DIS3L2: variants seen among roughly 807,000 people sequenced by gnomAD.
The protein encoded by DIS3L2 is DIS3-like exonuclease 2.
In DIS3L2, 34 loss-of-function variants were observed where a neutral mutation model predicts 97.5. That is an observed-to-expected ratio of 0.35 (90% CI 0.27 to 0.46). DIS3L2 has a LOEUF of 0.46. Among genes scored for constraint, DIS3L2 ranks in the 20% least tolerant of loss-of-function variants. The pLI is 1.00. For synonymous variants in DIS3L2, 435 were observed against 445.2 expected (o/e 0.98, Z 0.29); for missense variants, 1,038 against 1,146.0 (o/e 0.91, Z 1.36).
intron 10 of DIS3L2, among the ~76,000 whole-genome samples, chr2:232,226,861 C>T (rs1692663759): frequency 6.6e-6 from 1 of 152,102 alleles, no homozygotes; most frequent in South Asian, 2.1e-4. Context: ...CTCAGCTGCT[C>T]AGGAGGCTGA....
At position 232,343,056 on chromosome 2, in the gene DIS3L2, A is replaced by G. The variant is rs940331297; in HGVS notation, c.1582-289A>G. 4 of 341,946 alleles carry G rather than the reference A, an allele frequency of 1.2e-5. No homozygotes were observed. The Admixed American group carries it at 1.3e-4, about 12-fold the overall frequency. 21.2% of individuals were successfully genotyped at this position (341,946 alleles called of 1,614,324 possible). A position where few individuals can be genotyped will look rare whatever the true frequency, so the allele number is the denominator to read the frequency against. On this transcript the variant is annotated intron_variant, in intron 13 of 13. Transcript: ENST00000273009. ...GAGGGGCTGCTGTGTCCACAGCTGC[A>G]TCACACTGCTCTGCTGTCCCCTCCA... is the stretch of plus-strand genomic sequence containing the variant.
At chr2:232,057,101 A>C (rs1409276574) in intron 5 of DIS3L2, among the ~76,000 whole-genome samples, 1 of 152,234 alleles carries the variant, frequency 6.6e-6, no homozygotes. Flanking sequence ...AACTACAGCA[A>C]TGTGCAGCAA....
chr2:232,331,205 G>A (rs1167781232), intron 16 of DIS3L2, among the ~76,000 whole-genome samples: 1 of 152,262 alleles, frequency 6.6e-6, no homozygotes, highest in Non-Finnish European at 1.5e-5. Flanking sequence ...CTTGGCCGGG[G>A]GCCTAGGCCT....
chr2:232,270,864 CTCTCTCT>C (rs1559185112), intron 13 of DIS3L2, among the ~76,000 whole-genome samples: 13 of 20,790 alleles, frequency 6.3e-4, no homozygotes, highest in African/African-American at 2.7e-3. Flanking sequence ...TTTCTCGTCT[CTCTCTCT>C]CTCTCTCTCT....
chr2:232,294,276 C>T (rs960389226), intron 13 of DIS3L2, among the ~76,000 whole-genome samples: 2 of 152,198 alleles, frequency 1.3e-5, no homozygotes, highest in African/African-American at 4.8e-5. Context: ...GTTGGGTCTG[C>T]TTCCCCCCGG....
chr2:232,258,785 TGAG>T (rs1693638423), intron 12 of DIS3L2, among the ~76,000 whole-genome samples: 1 of 152,190 alleles, frequency 6.6e-6, no homozygotes, highest in South Asian at 2.1e-4. Context: ...TGGAAAGTAA[TGAG>T]GTGTTCCATA....
intron 1 of DIS3L2, among the ~76,000 whole-genome samples, chr2:231,999,153 T>C (rs1183685808): frequency 6.6e-6 from 1 of 152,234 alleles, no homozygotes; most frequent in African/African-American, 2.4e-5. Flanking sequence ...CTAATGAGCT[T>C]GGCTGTGTTT....
intron 19 of DIS3L2, 110 bp downstream of exon 19, chr2:232,334,845 A>G: frequency 1.1e-6 from 1 of 903,736 alleles, no homozygotes; most frequent in Non-Finnish European, 1.7e-6. Context: ...CCCCAGCCCT[A>G]GCACAAAGCC....
chr2:232,155,973 G>C (rs1291761813), intron 8 of DIS3L2, among the ~76,000 whole-genome samples: 1 of 150,974 alleles, frequency 6.6e-6, no homozygotes, highest in Non-Finnish European at 1.5e-5. Flanking sequence ...CTGGGCGACA[G>C]AGTGAGACTC....
At chr2:232,144,392 A>C (rs1202094866) in intron 8 of DIS3L2, among the ~76,000 whole-genome samples, 1 of 152,014 alleles carries the variant, frequency 6.6e-6, no homozygotes, top group African/African-American at 2.4e-5. Flanking sequence ...TTTTTTTCCT[A>C]ATTACTGATG....
At chr2:232,210,565 A>T (rs887265942) in intron 10 of DIS3L2, among the ~76,000 whole-genome samples, 160 bp downstream of exon 10, 4 of 152,178 alleles carry the variant, frequency 2.6e-5, no homozygotes, top group African/African-American at 9.7e-5. Flanking sequence ...CAACTATGTG[A>T]CCTTAAGATT....
At position 232,342,998 on chromosome 2, in the gene DIS3L2, G is replaced by A. The variant is rs141671579; in HGVS notation, c.1582-347G>A. On this transcript the variant is annotated intron_variant, in intron 13 of 13. Transcript: ENST00000273009. Reference sequence around the variant, plus strand: ...GGGCTGATAGGAGTCAGAGTGGGGGGGCTGGGAGGGCTGAGGCAGGTTAAA... The same window carrying A: ...GGGCTGATAGGAGTCAGAGTGGGGGAGCTGGGAGGGCTGAGGCAGGTTAAA... The A allele has an allele frequency of 3.4e-3, 665 of 196,724 alleles. 11 individuals are homozygous for A. The highest frequency in any genetic ancestry group is 0.014 in the African/African-American group (605 of 42,762). 12.2% of individuals were successfully genotyped at this position (196,724 alleles called of 1,614,324 possible).
chr2:232,294,845 C>T (rs962184751), intron 13 of DIS3L2, among the ~76,000 whole-genome samples: 6 of 152,140 alleles, frequency 3.9e-5, no homozygotes, highest in East Asian at 1.9e-4. Flanking sequence ...ATAAGATCAG[C>T]GTGAGAGATG....
At chr2:232,028,998 C>T (rs921050071) in intron 4 of DIS3L2, among the ~76,000 whole-genome samples, 1 of 152,118 alleles carries the variant, frequency 6.6e-6, no homozygotes, top group Non-Finnish European at 1.5e-5. Flanking sequence ...TGCCCCTCCC[C>T]CTTTTTTTGA....
chr2:231,981,652 T>C (rs540662240), intron 1 of DIS3L2, among the ~76,000 whole-genome samples: 5 of 143,160 alleles, frequency 3.5e-5, no homozygotes, highest in Non-Finnish European at 7.6e-5. Flanking sequence ...CATATTTACA[T>C]ATTATATATC....
chr2:232,090,354 G>A (rs1338702213), intron 6 of DIS3L2, among the ~76,000 whole-genome samples: 1 of 151,876 alleles, frequency 6.6e-6, no homozygotes, highest in Non-Finnish European at 1.5e-5. Flanking sequence ...TACTTCCTTA[G>A]TAGCCCTGAC....
intron 1 of DIS3L2, among the ~76,000 whole-genome samples, chr2:231,967,927 T>A (rs73995031): frequency 0.011 from 1,692 of 152,260 alleles, 36 homozygotes; most frequent in African/African-American, 0.038. Context: ...TAAGACTGAT[T>A]TATTGAGGTA....
intron 8 of DIS3L2, among the ~76,000 whole-genome samples, chr2:232,141,725 C>T (rs1690052564): frequency 6.6e-6 from 1 of 152,110 alleles, no homozygotes; most frequent in Non-Finnish European, 1.5e-5. Context: ...GGGTGGAGGT[C>T]TGTTCTGGTA....
At position 232,165,884 on chromosome 2, in the gene DIS3L2, C is replaced by T. The variant is rs568708414; in HGVS notation, c.1124+2252C>T. 4.6e-5 allele frequency among the ~76,000 whole-genome samples: 7 copies of T among 152,120 alleles called. No homozygotes were observed. In the South Asian group the frequency reaches 1.2e-3, roughly 27 times the overall value. On this transcript the variant is annotated intron_variant, in intron 9 of 20. Coordinates refer to ENST00000325385, the MANE Select transcript of DIS3L2 (RefSeq NM_152383.5). Reference sequence around the variant, plus strand: ...TAAAAAATTATAAATGTGAAAGTCACAAAATAGAAGTATTCCATTTTTTCT... The same window carrying T: ...TAAAAAATTATAAATGTGAAAGTCATAAAATAGAAGTATTCCATTTTTTCT...
Sources: allele counts gnomAD v4.1 joint callset (sites outside exome capture counted in the v4.1 genomes callset), GRCh38; gene constraint gnomAD v4.1.1; transcripts MANE v1.5; gene names NCBI Gene and HGNC (gene_info 2026-07-23, HGNC 2026-07-21).